The following WNK1 variants were observed in gnomAD, a reference collection of about 807,000 sequenced individuals.
The protein encoded by WNK1 is serine/threonine-protein kinase WNK1.
WNK1 carries 38 observed loss-of-function variants against 222.8 expected under a neutral mutation model. The observed-to-expected ratio is 0.17, with a 90% confidence interval of 0.13 to 0.22. The LOEUF (loss-of-function observed/expected upper bound fraction) is 0.22. Among genes scored for constraint, WNK1 ranks in the 10% least tolerant of loss-of-function variants. The pLI, the probability that WNK1 is intolerant of heterozygous loss-of-function variation, is 1.00. For missense variants in WNK1, 2,348 were observed against 2,918.4 expected (o/e 0.80, Z 4.50); for synonymous variants, 1,090 against 1,092.9 (o/e 1.00, Z 0.05).
chr12:817,323 G>A (rs541977865), intron 2 of WNK1, among the ~76,000 whole-genome samples: 4 of 152,094 alleles, frequency 2.6e-5, no homozygotes, highest in Admixed American at 6.5e-5. Flanking sequence ...GTGACAGAGC[G>A]AGACTCCATC....
chr12:899,729 C>G (rs535011480), intron 25 of WNK1, among the ~76,000 whole-genome samples: 1 of 152,308 alleles, frequency 6.6e-6, no homozygotes, highest in Non-Finnish European at 1.5e-5. Context: ...ACCCATTGCT[C>G]TGTAGTGACC....
At position 883,039 on chromosome 12, in the gene WNK1, G is replaced by A. The variant is rs777555339; in HGVS notation, c.3469G>A (p.Glu1157Lys). 7 of 1,611,762 alleles carry A rather than the reference G, an allele frequency of 4.3e-6. No homozygotes were observed. The highest frequency in any genetic ancestry group is 1.7e-5 in the Admixed American group (1 of 60,006). The change falls in exon 15 of 28, where the codon GAG (glutamate) becomes AAG (lysine). Residue 1157 changes from glutamate to lysine, a missense_variant. By Grantham distance (56) the Glu-to-Lys change is moderately conservative. This residue lies in a region of WNK1 where 20 missense variants were observed against 65.0 expected (regional missense o/e 0.31). Transcript: ENST00000315939. Reference sequence around the variant, plus strand: ...ATTTGACCTAGATGGTGACAACCCCGAGGAGATAGCAACAATTATGGTACG... The same window carrying A: ...ATTTGACCTAGATGGTGACAACCCCAAGGAGATAGCAACAATTATGGTACG... ...FKFDLDGDNP[E>K]EIATIMVNND...
At chr12:869,035 C>T in intron 8 of WNK1, 2 of 1,612,800 alleles carry the variant, frequency 1.2e-6, no homozygotes, top group Non-Finnish European at 1.7e-6. Flanking sequence ...TCTGTTTCCC[C>T]CAAGGAACCA....
chr12:758,316 A>C (rs1296428873), intron 1 of WNK1, among the ~76,000 whole-genome samples: 1 of 144,536 alleles, frequency 6.9e-6, no homozygotes, highest in Non-Finnish European at 1.5e-5. Context: ...GCAGTGTTAC[A>C]GAAATGGGAT....
At chr12:822,995 C>A (rs890203436) in intron 2 of WNK1, among the ~76,000 whole-genome samples, 5 of 152,054 alleles carry the variant, frequency 3.3e-5, no homozygotes, top group Non-Finnish European at 7.4e-5. Context: ...ATCTTAATTT[C>A]TCTTTCATTT....
chr12:879,466 T>TTTCTTCTTTTTTG, intron 10 of WNK1, 107 bp from the exon 11 acceptor site: 1 of 733,538 alleles, frequency 1.4e-6, no homozygotes, highest in South Asian at 1.9e-5. Flanking sequence ...TTGTTTGTTT[T>TTTCTTCTTTTTTG]TTCCTTCTTT....
chr12:904,579 CCT>C (rs1955543984), intron 26 of WNK1: 1 of 902,236 alleles, frequency 1.1e-6, no homozygotes, highest in Non-Finnish European at 1.6e-6. Context: ...CTCATAGCTC[CCT>C]GATTCCTAAC....
chr12:790,098 G>T lies in WNK1; in HGVS notation c.760-23544G>T, dbSNP rs1369023724. Among the ~76,000 whole-genome samples, 3 of 152,172 alleles carry T rather than the reference G, an allele frequency of 2.0e-5. No individual in the cohort carries two copies. The East Asian group carries it at 5.8e-4, about 29-fold the overall frequency. On this transcript the variant is annotated intron_variant, in intron 1 of 27. Transcript: ENST00000315939. ...GGATTATGGTTAGCAAGGAGGAGGG[G>T]GTTTGGGAATGACCCAGTAGTAGAC...
intron 10 of WNK1, 127 bp from the exon 11 acceptor site, chr12:879,446 G>GTTTT: frequency 5.7e-6 from 3 of 530,862 alleles, no homozygotes; most frequent in Non-Finnish European, 5.9e-6. Context: ...TTGGTTTGGT[G>GTTTT]TTTTTTTTTT....
At chr12:843,487 A>G (rs1181895184) in intron 4 of WNK1, among the ~76,000 whole-genome samples, 1 of 152,242 alleles carries the variant, frequency 6.6e-6, no homozygotes, top group African/African-American at 2.4e-5. Flanking sequence ...GAAGAGGGGC[A>G]TTTCCACATT....
intron 2 of WNK1, 101 bp downstream of exon 2, chr12:813,915 A>T (rs1947112659): frequency 8.0e-7 from 1 of 1,253,590 alleles, no homozygotes; most frequent in South Asian, 1.3e-5. Flanking sequence ...TCAGCCTAAG[A>T]AGGGAACAGT....
chr12:808,818 C>A (rs948166557), intron 1 of WNK1, among the ~76,000 whole-genome samples: 4 of 145,454 alleles, frequency 2.8e-5, no homozygotes, highest in African/African-American at 1.0e-4. Context: ...GGCTGGAATG[C>A]AATGGCGAGA....
chr12:874,197 A>G (rs1314939871), intron 9 of WNK1, among the ~76,000 whole-genome samples: 1 of 151,698 alleles, frequency 6.6e-6, no homozygotes, highest in Non-Finnish European at 1.5e-5. Context: ...CTACCCTACT[A>G]TCCATAAAGT....
chr12:882,038 G>A lies in WNK1; in HGVS notation c.3337G>A (p.Glu1113Lys). ...RKSVRSRSRH[E>K]KTSRPKLRIL... Reference sequence around the variant, plus strand: ...ATCTGTAAGGAGTCGCTCTCGACATGAAAAAACTTCACGCCCAAAATTAAG... The same window carrying A: ...ATCTGTAAGGAGTCGCTCTCGACATAAAAAAACTTCACGCCCAAAATTAAG... The change falls in exon 14 of 28, where the codon GAA becomes AAA. Residue 1113 changes from glutamate to lysine, a missense_variant. Around this residue, in one of 13 missense-constraint regions of WNK1, gnomAD observed 547 missense variants for 558.3 expected, o/e 0.98. Transcript: ENST00000315939. 1 of 1,613,842 alleles carries A rather than the reference G, an allele frequency of 6.2e-7. No individual in the cohort carries two copies. Among genetic ancestry groups the A allele is most frequent in the Non-Finnish European group, 8.5e-7 (1 of 1,179,898 alleles).
chr12:809,179 G>A (rs552466519), intron 1 of WNK1, among the ~76,000 whole-genome samples: 1 of 147,454 alleles, frequency 6.8e-6, no homozygotes, highest in African/African-American at 2.5e-5. Context: ...TGATAGAGGA[G>A]TTAGAACAAC....
intron 4 of WNK1, among the ~76,000 whole-genome samples, chr12:854,860 A>C (rs1305001365): frequency 6.6e-6 from 1 of 152,230 alleles, no homozygotes; most frequent in Admixed American, 6.5e-5. Context: ...AATTATTTAC[A>C]ATAGCTAATA....
At position 764,713 on chromosome 12, in the gene WNK1, A is replaced by ATTT. The variant is rs1372109644; in HGVS notation, c.759+10389_759+10390insTTT. ...CAGCCCTGACAAAAAGAAATTAAAAAAAAAGTCAGTAACAATTAAATTTAA... is the reference window on the plus strand; with the variant it reads ...CAGCCCTGACAAAAAGAAATTAAAAATTTAAAAGTCAGTAACAATTAAATTTAA... On this transcript the variant is annotated intron_variant, in intron 1 of 27. Transcript: ENST00000315939. Among the ~76,000 whole-genome samples, 59 of 146,864 alleles carry ATTT rather than the reference A, an allele frequency of 4.0e-4. 4 individuals carry two copies. The highest frequency in any genetic ancestry group is 1.4e-3 in the African/African-American group (59 of 41,148).
At position 827,563 on chromosome 12, in the gene WNK1, C is replaced by G. The variant is rs1348342472; in HGVS notation, c.1153+301C>G. 4.3e-6 allele frequency: 2 copies of G among 463,922 alleles called. No individual in the cohort carries two copies. Among genetic ancestry groups the G allele is most frequent in the Non-Finnish European group, 7.8e-6 (2 of 257,870 alleles). 28.7% of individuals were successfully genotyped at this position (463,922 alleles called of 1,614,324 possible). ...GTTGTTGTTGAGATGGAGTCTCTCT[C>G]TGTCACCCAGGCTAGAGTGCAGTGG... On this transcript the variant is annotated intron_variant, in intron 3 of 27. Coordinates refer to ENST00000315939, the MANE Select transcript of WNK1 (RefSeq NM_018979.4). The surrounding 1 kb of genome is among the most constrained non-coding windows in gnomAD (Gnocchi z 4.6).
chr12:903,972 GC>G (rs1955489657), intron 26 of WNK1, among the ~76,000 whole-genome samples: 1 of 152,212 alleles, frequency 6.6e-6, no homozygotes, highest in South Asian at 2.1e-4. Context: ...AAATATAATA[GC>G]CAATTTAAAT....
Sources: allele counts gnomAD v4.1 joint callset (sites outside exome capture counted in the v4.1 genomes callset), GRCh38; gene constraint gnomAD v4.1.1; regional missense constraint gnomAD v4.1.1; non-coding constraint Gnocchi (gnomAD v3.1); transcripts MANE v1.5; gene names NCBI Gene and HGNC (gene_info 2026-07-23, HGNC 2026-07-21).